TSGA10: variants seen among roughly 807,000 people sequenced by gnomAD.
TSGA10 encodes the protein testis-specific gene 10 protein.
A neutral mutation model predicts 96.6 loss-of-function variants in TSGA10; 43 were observed. The ratio of observed to expected loss-of-function variants is 0.44; its 90% CI spans 0.35 to 0.57. TSGA10 has a LOEUF of 0.57. TSGA10 is among the 20% of genes least tolerant of loss of function. The pLI, the probability that TSGA10 is intolerant of heterozygous loss-of-function variation, is 0.01. For missense variants in TSGA10, 703 were observed against 834.4 expected, an observed-to-expected ratio of 0.84 and a Z score of 1.94; for synonymous variants, 229 against 269.9, an observed-to-expected ratio of 0.85 and a Z score of 1.48.
At chr2:99,075,174 C>T (rs1012590400) in intron 12 of TSGA10, among the ~76,000 whole-genome samples, 27 of 152,138 alleles carry the variant, frequency 1.8e-4, no homozygotes, top group African/African-American at 5.8e-4. Context: ...TCAAATGTGC[C>T]ATCATTCCTT....
At chr2:99,030,415 G>C in intron 17 of TSGA10, among the ~76,000 whole-genome samples, 1 of 151,260 alleles carries the variant, frequency 6.6e-6, no homozygotes, top group East Asian at 2.0e-4. Flanking sequence ...TGGGAGGCTG[G>C]GGCAGGAGGA....
intron 10 of TSGA10, among the ~76,000 whole-genome samples, chr2:99,084,533 G>A (rs1467560531): frequency 2.0e-5 from 3 of 151,908 alleles, no homozygotes; most frequent in Non-Finnish European, 4.4e-5. Flanking sequence ...CTCACCAGAA[G>A]CAAATGCCAG....
At chr2:99,124,112 A>G (rs1455655042) in intron 2 of TSGA10, among the ~76,000 whole-genome samples, 3 of 152,172 alleles carry the variant, frequency 2.0e-5, no homozygotes, top group Non-Finnish European at 4.4e-5. Flanking sequence ...AAGTGTTCCA[A>G]TTTCTTCACA....
intron 16 of TSGA10, among the ~76,000 whole-genome samples, chr2:99,059,663 T>C (rs1450927109): frequency 1.3e-5 from 2 of 150,182 alleles, no homozygotes; most frequent in South Asian, 2.1e-4. Flanking sequence ...CACACAACTT[T>C]AAGTAAACTT....
chr2:99,117,369 A>G (rs1248052551), intron 4 of TSGA10, 175 bp downstream of exon 4: 1 of 193,476 alleles, frequency 5.2e-6, no homozygotes, highest in East Asian at 1.9e-4. Context: ...AGAATTTGTT[A>G]AAAGAAGTAA....
chr2:99,101,040 A>G (rs1412696831), intron 10 of TSGA10, among the ~76,000 whole-genome samples: 2 of 149,624 alleles, frequency 1.3e-5, no homozygotes, highest in African/African-American at 2.5e-5. Context: ...AAGGTGGGCG[A>G]ATCACGAGGT....
At chr2:99,114,748 T>C (rs1442992637) in intron 4 of TSGA10, among the ~76,000 whole-genome samples, 3 of 152,152 alleles carry the variant, frequency 2.0e-5, no homozygotes, top group South Asian at 4.1e-4. Flanking sequence ...TACCCTGACA[T>C]AGTACTTACT....
At chr2:99,071,285 A>C (rs1486192627) in intron 14 of TSGA10, among the ~76,000 whole-genome samples, 1 of 152,120 alleles carries the variant, frequency 6.6e-6, no homozygotes, top group African/African-American at 2.4e-5. Flanking sequence ...TATAAGAGGA[A>C]CTTTCCTAAA....
intron 1 of TSGA10, chr2:99,151,099 A>T (rs2093689100): frequency 3.5e-6 from 1 of 285,746 alleles, no homozygotes; most frequent in East Asian, 6.2e-5. Flanking sequence ...CAGAGTTTTT[A>T]AGTAACAGTA....
At chr2:99,094,033 TG>T (rs2089696011) in intron 10 of TSGA10, among the ~76,000 whole-genome samples, 1 of 152,054 alleles carries the variant, frequency 6.6e-6, no homozygotes, top group South Asian at 2.1e-4. Flanking sequence ...CAAAAAAGCA[TG>T]GTACTGATAT....
chr2:99,039,384 T>C (rs1057475399), intron 16 of TSGA10, among the ~76,000 whole-genome samples: 4 of 148,750 alleles, frequency 2.7e-5, no homozygotes, highest in South Asian at 2.1e-4. Context: ...TGATAGACTA[T>C]TAGTGAGATT....
At chr2:99,150,092 A>T (rs1299224089) in intron 1 of TSGA10, among the ~76,000 whole-genome samples, 1 of 152,162 alleles carries the variant, frequency 6.6e-6, no homozygotes, top group Non-Finnish European at 1.5e-5. Flanking sequence ...GCACCCAGCC[A>T]ATCACAAGTA....
At chr2:99,010,289 A>G (rs2078895630) in intron 20 of TSGA10, among the ~76,000 whole-genome samples, 1 of 152,216 alleles carries the variant, frequency 6.6e-6, no homozygotes, top group Non-Finnish European at 1.5e-5. Context: ...TTAGAGACTC[A>G]TATTGTGATC....
intron 16 of TSGA10, among the ~76,000 whole-genome samples, chr2:99,058,869 C>G (rs1245499489): frequency 6.6e-6 from 1 of 151,208 alleles, no homozygotes; most frequent in African/African-American, 2.4e-5. Flanking sequence ...AACCCTGTCT[C>G]TACTAAAAAT....
At chr2:99,120,402 T>C (rs539100320) in intron 2 of TSGA10, among the ~76,000 whole-genome samples, 1 of 152,242 alleles carries the variant, frequency 6.6e-6, no homozygotes, top group South Asian at 2.1e-4. Context: ...TTACCAGTTA[T>C]GTAATTGGGG....
Position 99,031,286 on chromosome 2 carries a change from CAAAAAAAAAAAAAAA to C in TSGA10, c.1614+3929_1614+3943del, listed in dbSNP as rs70940132. ...CAGAAGAAGGTGGATACTCATAGGC[CAAAAAAAAAAAAAAA>C]AAAAAAAAAAAGAACCTCTATGTCA... On this transcript the variant is annotated intron_variant, in intron 17 of 20. Coordinates refer to ENST00000393483, the MANE Select transcript of TSGA10 (RefSeq NM_025244.4). 4.5e-4 allele frequency among the ~76,000 whole-genome samples: 21 copies of C among 46,426 alleles called. 1 individual carries two copies. In the East Asian group the frequency reaches 0.013, roughly 28 times the overall value. The allele number at this position is 46,426 out of a possible 152,430, so 30.5% of individuals were successfully genotyped here. A position where few individuals can be genotyped will look rare whatever the true frequency, so the allele number is the denominator to read the frequency against.
chr2:99,011,420 C>T (rs1216828695), intron 20 of TSGA10, among the ~76,000 whole-genome samples: 1 of 152,194 alleles, frequency 6.6e-6, no homozygotes, highest in South Asian at 2.1e-4. Context: ...GCATTAGCCA[C>T]CATGCCCGGC....
At chr2:99,119,272 T>G (rs2092448395) in intron 2 of TSGA10, among the ~76,000 whole-genome samples, 1 of 152,194 alleles carries the variant, frequency 6.6e-6, no homozygotes, top group African/African-American at 2.4e-5. Flanking sequence ...ATAATTAAAG[T>G]CATTATTTTA....
At chr2:99,051,705 C>T (rs1272764630) in intron 16 of TSGA10, among the ~76,000 whole-genome samples, 1 of 151,688 alleles carries the variant, frequency 6.6e-6, no homozygotes, top group African/African-American at 2.4e-5. Flanking sequence ...ATGAAACATT[C>T]TCTAGAATAG....
Sources: allele counts gnomAD v4.1 joint callset (sites outside exome capture counted in the v4.1 genomes callset), GRCh38; gene constraint gnomAD v4.1.1; transcripts MANE v1.5; gene names NCBI Gene and HGNC (gene_info 2026-07-23, HGNC 2026-07-21).